VAT1L: variants seen among roughly 807,000 people sequenced by gnomAD.
VAT1L encodes putative NADPH-dependent quinone oxidoreductase VAT1L.
A neutral mutation model predicts 44.1 loss-of-function variants in VAT1L; 34 were observed. That is an observed-to-expected ratio of 0.77 (90% CI 0.59 to 1.03). The LOEUF (loss-of-function observed/expected upper bound fraction) is 1.03. VAT1L is among the 50% of genes least tolerant of loss of function. The pLI is 0.00. For synonymous variants in VAT1L, 253 were observed against 202.2 expected, an observed-to-expected ratio of 1.25 and a Z score of -2.13; for missense variants, 615 against 538.8, an observed-to-expected ratio of 1.14 and a Z score of -1.40.
chr16:77,806,025 G>A (rs1385357016), intron 1 of VAT1L, among the ~76,000 whole-genome samples: 4 of 151,316 alleles, frequency 2.6e-5, no homozygotes, highest in African/African-American at 9.7e-5. Flanking sequence ...ACCATGCCCA[G>A]CAAATTTTTA....
intron 2 of VAT1L, among the ~76,000 whole-genome samples, chr16:77,823,929 A>G (rs2016488654): frequency 6.6e-6 from 1 of 152,224 alleles, no homozygotes; most frequent in Non-Finnish European, 1.5e-5. Flanking sequence ...AGGCTGAGAC[A>G]GGACAATCGC....
chr16:77,908,566 G>C (rs986026683), intron 7 of VAT1L, among the ~76,000 whole-genome samples: 4 of 149,854 alleles, frequency 2.7e-5, no homozygotes, highest in Non-Finnish European at 5.9e-5. Context: ...ACTTCCCGAA[G>C]CTGCAGAAGA....
At chr16:77,827,985 G>C (rs1334180124) in intron 3 of VAT1L, among the ~76,000 whole-genome samples, 1 of 152,210 alleles carries the variant, frequency 6.6e-6, no homozygotes, top group Non-Finnish European at 1.5e-5. Flanking sequence ...TCTTCAGGCA[G>C]AGTTGAAAAG....
At chr16:77,844,998 A>G (rs1434865995) in intron 3 of VAT1L, among the ~76,000 whole-genome samples, 2 of 152,226 alleles carry the variant, frequency 1.3e-5, no homozygotes, top group East Asian at 3.9e-4. Flanking sequence ...TTATGTGAAA[A>G]GCAGGAAGAA....
intron 3 of VAT1L, among the ~76,000 whole-genome samples, chr16:77,832,721 T>C (rs2016593752): frequency 6.6e-6 from 1 of 152,188 alleles, no homozygotes; most frequent in East Asian, 1.9e-4. Flanking sequence ...CCCAGTGTCA[T>C]TCAAACTATT....
intron 7 of VAT1L, among the ~76,000 whole-genome samples, chr16:77,889,210 T>C (rs1023937566): frequency 2.6e-5 from 4 of 152,340 alleles, no homozygotes; most frequent in African/African-American, 7.2e-5. Flanking sequence ...GAAAATTTTA[T>C]TGGGCTCTCT....
At chr16:77,971,277 C>A (rs2018275329) in intron 7 of VAT1L, among the ~76,000 whole-genome samples, 1 of 152,168 alleles carries the variant, frequency 6.6e-6, no homozygotes, top group African/African-American at 2.4e-5. Flanking sequence ...AAGCCCCCAA[C>A]ATTTGAAAAG....
intron 3 of VAT1L, among the ~76,000 whole-genome samples, chr16:77,840,417 T>C (rs2016692396): frequency 6.6e-6 from 1 of 152,168 alleles, no homozygotes; most frequent in Non-Finnish European, 1.5e-5. Flanking sequence ...CTGACCTCTC[T>C]CTGTAGCATA....
chr16:77,970,562 T>C (rs2018268330), intron 7 of VAT1L, among the ~76,000 whole-genome samples: 1 of 152,224 alleles, frequency 6.6e-6, no homozygotes, highest in Non-Finnish European at 1.5e-5. Context: ...CCACATATCA[T>C]TTCCTTTCAG....
At position 77,979,769 on chromosome 16, in the gene VAT1L, A is replaced by C. The variant is rs988205056; in HGVS notation, c.*2074A>C. The C allele has an allele frequency of 6.6e-6, 1 of 152,590 alleles. No homozygotes were observed. The highest frequency in any genetic ancestry group is 1.5e-5 in the Non-Finnish European group (1 of 68,038). The allele number at this position is 152,590 out of a possible 1,614,324, so 9.5% of individuals were successfully genotyped here. A position where few individuals can be genotyped will look rare whatever the true frequency, so the allele number is the denominator to read the frequency against. ...CAAATTACTCCAGATGGTTAAAGAA[A>C]ACCCTTTCAGAATACAGAACGAGAA... is the stretch of plus-strand genomic sequence containing the variant. On this transcript the variant is annotated 3_prime_UTR_variant, in exon 9 of 9. Coordinates refer to ENST00000302536, the MANE Select transcript of VAT1L (RefSeq NM_020927.3).
intron 8 of VAT1L, among the ~76,000 whole-genome samples, chr16:77,975,822 C>G (rs1466810808): frequency 2.6e-5 from 4 of 152,222 alleles, no homozygotes; most frequent in Non-Finnish European, 5.9e-5. Flanking sequence ...GCGGGCAGCC[C>G]TGCCCCAGTC....
intron 7 of VAT1L, among the ~76,000 whole-genome samples, chr16:77,941,984 T>C (rs546318302): frequency 1.3e-5 from 2 of 152,308 alleles, no homozygotes; most frequent in African/African-American, 4.8e-5. Context: ...AGCATGTTAT[T>C]TTTTTACTTT....
At chr16:77,973,722 G>A (rs1209677612) in intron 8 of VAT1L, among the ~76,000 whole-genome samples, 1 of 151,242 alleles carries the variant, frequency 6.6e-6, no homozygotes, top group East Asian at 1.9e-4. Flanking sequence ...GTCATGTAAA[G>A]TGTTTTTTTG....
At chr16:77,964,756 C>T (rs926878304) in intron 7 of VAT1L, among the ~76,000 whole-genome samples, 1 of 146,300 alleles carries the variant, frequency 6.8e-6, no homozygotes. Flanking sequence ...CATCGTGGAA[C>T]ACTGCTCACG....
chr16:77,910,566 C>T (rs1287235583), intron 7 of VAT1L, among the ~76,000 whole-genome samples: 2 of 150,490 alleles, frequency 1.3e-5, no homozygotes, highest in African/African-American at 4.9e-5. Flanking sequence ...CCTAGCTACT[C>T]GGGAGGCTGA....
intron 7 of VAT1L, among the ~76,000 whole-genome samples, chr16:77,934,609 C>A (rs1428742430): frequency 6.6e-6 from 1 of 152,076 alleles, no homozygotes; most frequent in African/African-American, 2.4e-5. Flanking sequence ...GCCACTAAGT[C>A]TGTAGTAATT....
chr16:77,946,524 T>C (rs565780724), intron 7 of VAT1L, among the ~76,000 whole-genome samples: 2 of 152,136 alleles, frequency 1.3e-5, no homozygotes, highest in Non-Finnish European at 2.9e-5. Flanking sequence ...CTTCGTGATC[T>C]GCCCGCCTCA....
intron 3 of VAT1L, among the ~76,000 whole-genome samples, chr16:77,862,399 G>A (rs931777098): frequency 5.3e-5 from 8 of 152,202 alleles, no homozygotes; most frequent in African/African-American, 1.9e-4. Flanking sequence ...TGGATTACCT[G>A]AGCTCAGGAG....
chr16:77,869,248 T>C (rs1326279386), intron 4 of VAT1L, among the ~76,000 whole-genome samples: 1 of 152,202 alleles, frequency 6.6e-6, no homozygotes, highest in Non-Finnish European at 1.5e-5. Flanking sequence ...TTCCTTTTTG[T>C]TGTTGTTAGA....
Sources: allele counts gnomAD v4.1 joint callset (sites outside exome capture counted in the v4.1 genomes callset), GRCh38; gene constraint gnomAD v4.1.1; transcripts MANE v1.5; gene names NCBI Gene and HGNC (gene_info 2026-07-23, HGNC 2026-07-21).